CBFA2T3: variants seen among roughly 807,000 people sequenced by gnomAD.
CBFA2T3 encodes the protein transcriptional corepressor CBFA2T3.
CBFA2T3 carries 31 observed loss-of-function variants against 58.6 expected under a neutral mutation model. The observed-to-expected ratio is 0.53, with a 90% CI of 0.40 to 0.71. CBFA2T3 has a LOEUF of 0.71. CBFA2T3 is among the 30% of genes least tolerant of loss of function. The pLI is 0.00. For synonymous variants in CBFA2T3, 531 were observed against 421.9 expected (o/e 1.26, Z -3.17); for missense variants, 1,076 against 963.1 (o/e 1.12, Z -1.55).
intron 1 of CBFA2T3, among the ~76,000 whole-genome samples, chr16:88,921,737 G>A (rs990073328): frequency 3.9e-5 from 6 of 152,264 alleles, no homozygotes; most frequent in African/African-American, 1.2e-4. Context: ...CATTTCCTGA[G>A]CCGTACATCC....
chr16:88,940,896 G>A (rs1971699556), intron 1 of CBFA2T3: 2 of 366,318 alleles, frequency 5.5e-6, no homozygotes, highest in African/African-American at 2.2e-5. Flanking sequence ...CCACCCTGCC[G>A]TGGGCACCAA....
In CBFA2T3 at chr16:88,885,009, A is replaced by T; in HGVS notation, c.1117+37T>A. 6.7e-7 allele frequency: 1 copy of T among 1,494,462 alleles called. No homozygotes were observed. The highest frequency in any genetic ancestry group is 9.1e-7 in the Non-Finnish European group (1 of 1,102,032). The allele number at this position is 1,494,462 out of a possible 1,614,324, so 92.6% of individuals were successfully genotyped here. A position where few individuals can be genotyped will look rare whatever the true frequency, so the allele number is the denominator to read the frequency against. On this transcript the variant is annotated intron_variant, in intron 7 of 11. Coordinates refer to ENST00000268679, the MANE Select transcript of CBFA2T3 (RefSeq NM_005187.6). This position sits in a 1 kb window ranked among gnomAD's most constrained non-coding sequence, Gnocchi z 5.3. The stretch of plus-strand genomic sequence containing the variant: ...ATGTGGGCGCATGTGTGCTCCTGTA[A>T]CACGCGTCCACGCTCCCGCCCCACC...
rs779415412 is a variant in CBFA2T3, at chr16:88,885,127, C to T, written c.1036G>A (p.Asp346Asn). ...CGGAAGTGGTGGGCCATGGCTATGT[C>T]CTCCAGGCGGTAGTGCGGCGGCGGT... ...PTPPPHYRLEDIAMAHHFRDA... is the reference protein window; with the variant it reads ...PTPPPHYRLENIAMAHHFRDA... The change falls in exon 7 of 12, where the codon GAC becomes AAC. Residue 346 changes from aspartate (D) to asparagine (N), a missense_variant. By Grantham distance (23) the Asp-to-Asn change is conservative. Transcript: ENST00000268679. The surrounding 1 kb of genome is among the most constrained non-coding windows in gnomAD (Gnocchi z 5.3). The T allele has an allele frequency of 1.9e-6, 3 of 1,601,490 alleles. No homozygotes were observed. Among genetic ancestry groups the T allele is most frequent in the Non-Finnish European group, 2.6e-6 (3 of 1,175,918 alleles).
intron 1 of CBFA2T3, chr16:88,941,966 G>A (rs1971756442): frequency 6.6e-6 from 1 of 151,204 alleles, no homozygotes; most frequent in Admixed American, 6.6e-5. Flanking sequence ...GCCCGGCCCG[G>A]GGCCACCTCC....
At chr16:88,905,328 C>G (rs1180260103) in intron 1 of CBFA2T3, among the ~76,000 whole-genome samples, 1 of 152,058 alleles carries the variant, frequency 6.6e-6, no homozygotes, top group Non-Finnish European at 1.5e-5. Context: ...CAGGGCCATG[C>G]ACGACCCCCC....
At chr16:88,968,938 C>T (rs1388391032) in intron 1 of CBFA2T3, among the ~76,000 whole-genome samples, 3 of 152,198 alleles carry the variant, frequency 2.0e-5, no homozygotes, top group Non-Finnish European at 4.4e-5. Context: ...GTCTGCAGCG[C>T]TGCAGGCCTC....
chr16:88,914,324 G>A (rs1054516793), intron 1 of CBFA2T3, among the ~76,000 whole-genome samples: 13 of 152,346 alleles, frequency 8.5e-5, no homozygotes, highest in East Asian at 1.9e-4. Flanking sequence ...GTCGGAAAAC[G>A]TTTGTCAGGC....
At chr16:88,895,157 G>A (rs780687827) in intron 3 of CBFA2T3, among the ~76,000 whole-genome samples, 191 of 152,286 alleles carry the variant, frequency 1.3e-3, no homozygotes, top group Admixed American at 2.2e-3. Context: ...CTTTCTACCC[G>A]CTCCTGCAGG....
intron 1 of CBFA2T3, among the ~76,000 whole-genome samples, chr16:88,913,993 C>A (rs1238339173): frequency 4.6e-5 from 7 of 152,188 alleles, no homozygotes; most frequent in Admixed American, 4.6e-4. Flanking sequence ...CAAGCCACAG[C>A]TGCACCGGCC....
chr16:88,895,238 G>A (rs1969837446), intron 3 of CBFA2T3, among the ~76,000 whole-genome samples: 1 of 152,214 alleles, frequency 6.6e-6, no homozygotes, highest in African/African-American at 2.4e-5. Context: ...GCCCTTCTGA[G>A]GGGTCAGGCC....
At chr16:88,893,853 C>T (rs914015869) in intron 3 of CBFA2T3, among the ~76,000 whole-genome samples, 5 of 152,320 alleles carry the variant, frequency 3.3e-5, no homozygotes, top group Non-Finnish European at 7.4e-5. Context: ...CTGGGACACC[C>T]GCACCCCGTG....
chr16:88,925,253 T>C (rs531905), intron 1 of CBFA2T3, among the ~76,000 whole-genome samples: 23,476 of 152,096 alleles, frequency 0.15, 4,378 homozygotes, highest in African/African-American at 0.45. Context: ...GGGCCGGGCT[T>C]GGGCACGGTG....
chr16:88,967,857 C>T lies in CBFA2T3; in HGVS notation c.151+8800G>A, dbSNP rs547018665. Among the ~76,000 whole-genome samples, 332 of 152,298 alleles carry T rather than the reference C, an allele frequency of 2.2e-3. 2 individuals are homozygous for T. The highest frequency in any genetic ancestry group is 3.9e-3 in the Non-Finnish European group (267 of 68,016). ...CCCTGCCCCGGAGCAGCGCGTCCAGCGGGGGTCGGCGTGAGCTGTGTGGAG... is the reference window on the plus strand; with the variant it reads ...CCCTGCCCCGGAGCAGCGCGTCCAGTGGGGGTCGGCGTGAGCTGTGTGGAG... On this transcript the variant is annotated intron_variant, in intron 1 of 11. Coordinates refer to ENST00000268679, the MANE Select transcript of CBFA2T3 (RefSeq NM_005187.6).
chr16:88,968,246 C>G (rs1225258929), intron 1 of CBFA2T3, among the ~76,000 whole-genome samples: 2 of 152,216 alleles, frequency 1.3e-5, no homozygotes, highest in Non-Finnish European at 2.9e-5. Flanking sequence ...CCAGCTGTCT[C>G]TGGCCCTGGG....
chr16:88,950,334 CCGT>C (rs1972031211), intron 1 of CBFA2T3: 1 of 417,360 alleles, frequency 2.4e-6, no homozygotes, highest in African/African-American at 2.2e-5. Flanking sequence ...GTCAGTTCAC[CCGT>C]CCCCTGGACC....
intron 5 of CBFA2T3, chr16:88,887,191 CCCA>C (rs1253775580): frequency 7.2e-5 from 11 of 152,330 alleles, no homozygotes; most frequent in African/African-American, 2.4e-4. Flanking sequence ...CTCCCCATTC[CCCA>C]CGAGTGCATC....
chr16:88,881,159 A>T (rs765651074), intron 9 of CBFA2T3, 132 bp downstream of exon 9: 18 of 858,038 alleles, frequency 2.1e-5, no homozygotes, highest in African/African-American at 1.8e-4. Context: ...CTACAAAGTG[A>T]AAAAGGTGCC....
intron 3 of CBFA2T3, among the ~76,000 whole-genome samples, 156 bp downstream of exon 3, chr16:88,897,922 C>A (rs748953715): frequency 6.6e-6 from 1 of 152,224 alleles, no homozygotes; most frequent in Non-Finnish European, 1.5e-5. Context: ...GCCCTCTTCT[C>A]CCTAAGGAGG....
At position 88,901,629 on chromosome 16, in the gene CBFA2T3, G is replaced by A; in HGVS notation, c.179C>T (p.Ser60Leu). The A allele has an allele frequency of 6.5e-7, 1 of 1,530,682 alleles. No homozygotes were observed. The highest frequency in any genetic ancestry group is 8.7e-7 in the Non-Finnish European group (1 of 1,150,360). The allele number at this position is 1,530,682 out of a possible 1,614,324, so 94.8% of individuals were successfully genotyped here. ...PAPVDRKAKA[S>L]AMPDSPAEVK... Reference sequence around the variant, plus strand: ...CTCCGCTGGGGAGTCCGGCATCGCTGAGGCCTTAGCTTTCCTGTCCACTGG... The same window carrying A: ...CTCCGCTGGGGAGTCCGGCATCGCTAAGGCCTTAGCTTTCCTGTCCACTGG... The change falls in exon 2 of 12, where the codon TCA becomes TTA. Residue 60 changes from serine to leucine, a missense_variant. By Grantham distance (145) the Ser-to-Leu change is moderately radical (BLOSUM62 -2). Transcript: ENST00000268679.
Sources: gnomAD v4.1 joint callset for allele counts (sites outside exome capture counted in the v4.1 genomes callset) on GRCh38, gnomAD v4.1.1 for gene constraint, Gnocchi (gnomAD v3.1) non-coding constraint, MANE v1.5 for transcripts, NCBI Gene and HGNC (gene_info 2026-07-23, HGNC 2026-07-21) for gene names.